TRIM55: variants seen among roughly 807,000 people sequenced by gnomAD.
The protein encoded by TRIM55 is tripartite motif-containing protein 55.
In TRIM55, 50 loss-of-function variants were observed where a neutral mutation model predicts 60.9. The ratio of observed to expected loss-of-function variants is 0.82; its 90% confidence interval spans 0.65 to 1.04. TRIM55 has a LOEUF of 1.04. Ranked by LOEUF, TRIM55 falls within the 50% of genes least tolerant of loss-of-function variation. TRIM55 has a pLI of 0.00. For missense variants in TRIM55, 681 were observed against 666.9 expected, an observed-to-expected ratio of 1.02 and a Z score of -0.23; for synonymous variants, 237 against 238.1, an observed-to-expected ratio of 1.00 and a Z score of 0.04.
At chr8:66,143,846 A>G (rs549126667) in intron 4 of TRIM55, among the ~76,000 whole-genome samples, 31 of 152,258 alleles carry the variant, frequency 2.0e-4, no homozygotes, top group Non-Finnish European at 2.6e-4. Context: ...TTTTATTCTA[A>G]TAGAGGAGTT....
chr8:66,129,345 G>A lies in TRIM55; in HGVS notation c.341+869G>A, dbSNP rs190285112. Among the ~76,000 whole-genome samples the A allele has an allele frequency of 9.9e-5, 15 of 152,270 alleles. No individual in the cohort carries two copies. In the East Asian group the frequency reaches 2.9e-3, roughly 29 times the overall value. On this transcript the variant is annotated intron_variant, in intron 2 of 9. Transcript: ENST00000315962. ...TCAGTCCAGTCCACAAAGCTTGATA[G>A]CAATATTGAGACCATCTAGAAATGG... is the stretch of plus-strand genomic sequence containing the variant.
In TRIM55 at chr8:66,154,030, T is replaced by G; in HGVS notation, c.1237-17T>G. ...TTTTTTTTTTCTTTACTTTTGAATT[T>G]ATCTGTCCTGATTAAGGGGGAGGTT... On this transcript the variant is annotated splice_polypyrimidine_tract_variant and intron_variant, in intron 8 of 9. Transcript: ENST00000315962. The G allele has an allele frequency of 1.3e-6, 2 of 1,585,230 alleles. No individual in the cohort carries two copies. The highest frequency in any genetic ancestry group is 1.7e-6 in the Non-Finnish European group (2 of 1,168,950).
At chr8:66,152,279 A>T (rs1810472759) in intron 7 of TRIM55, 98 bp from the exon 8 acceptor site, 6 of 1,456,674 alleles carry the variant, frequency 4.1e-6, no homozygotes, top group Admixed American at 2.6e-5. Context: ...AAAACTCCCC[A>T]GCCTTGACCT....
chr8:66,144,693 G>A (rs546043102), intron 4 of TRIM55, among the ~76,000 whole-genome samples: 23 of 152,282 alleles, frequency 1.5e-4, no homozygotes, highest in African/African-American at 5.5e-4. Flanking sequence ...GAAGAGGGGA[G>A]GTGTATGGCT....
At position 66,149,744 on chromosome 8, in the gene TRIM55, C is replaced by T. The variant is rs1235758970; in HGVS notation, c.703C>T (p.Arg235Ter). 2.4e-5 allele frequency: 39 copies of T among 1,613,942 alleles called. No individual in the cohort carries two copies. Among genetic ancestry groups the T allele is most frequent in the South Asian group, 3.3e-5 (3 of 91,090 alleles). ...GAATGAAATGACCCAAGTCATTACCCGAACCCAAGAGGAGAAACTGGAACA... is the reference window on the plus strand; with the variant it reads ...GAATGAAATGACCCAAGTCATTACCTGAACCCAAGAGGAGAAACTGGAACA... The part of the protein sequence containing the change: ...RKNEMTQVIT[R>*]TQEEKLEHVR... Residue 235 changes from arginine to a stop codon, truncating the protein, a stop_gained, in exon 5 of 10, where the codon CGA (arginine) becomes TGA (stop). Coordinates refer to ENST00000315962, the MANE Select transcript of TRIM55 (RefSeq NM_184085.2). LOFTEE classifies it high-confidence loss of function.
intron 9 of TRIM55, among the ~76,000 whole-genome samples, chr8:66,168,533 A>G (rs1811447836): frequency 6.6e-6 from 1 of 152,226 alleles, no homozygotes; most frequent in African/African-American, 2.4e-5. Flanking sequence ...TGCAAGATGG[A>G]TACTGGGTGG....
At chr8:66,170,866 A>G (rs1480314615) in intron 9 of TRIM55, among the ~76,000 whole-genome samples, 2 of 152,248 alleles carry the variant, frequency 1.3e-5, no homozygotes, top group African/African-American at 4.8e-5. Flanking sequence ...AAGCAACATT[A>G]TTCACAATAG....
chr8:66,149,805 T>G lies in TRIM55; in HGVS notation c.764T>G (p.Leu255Trp). The G allele has an allele frequency of 6.2e-7, 1 of 1,614,222 alleles. No individual in the cohort carries two copies. Among genetic ancestry groups the G allele is most frequent in the East Asian group, 2.2e-5 (1 of 44,874 alleles). The change falls in exon 5 of 10, where the codon TTG (leucine) becomes TGG (tryptophan). Residue 255 changes from leucine (L) to tryptophan (W), a missense_variant. Transcript: ENST00000315962. ...RALIKKYSDHLENVSKLVESG... is the reference protein window; with the variant it reads ...RALIKKYSDHWENVSKLVESG... ...CTGATCAAAAAGTATTCTGATCATT[T>G]GGAGAACGTCTCAAAGTTGGTTGAG...
upstream of TRIM55, among the ~76,000 whole-genome samples, chr8:66,124,768 A>G (rs1352333718): frequency 6.6e-6 from 1 of 152,200 alleles, no homozygotes; most frequent in African/African-American, 2.4e-5. Flanking sequence ...CAATTTGCAC[A>G]CTGGGAAATT....
At chr8:66,162,660 T>G (rs1811118231) in intron 9 of TRIM55, among the ~76,000 whole-genome samples, 2 of 152,130 alleles carry the variant, frequency 1.3e-5, no homozygotes, top group African/African-American at 2.4e-5. Flanking sequence ...AGACCTTTTT[T>G]TGTTGGCAAT....
In TRIM55 at chr8:66,154,053, G is replaced by C; in HGVS notation, c.1243G>C (p.Val415Leu). 1 of 1,612,880 alleles carries C rather than the reference G, an allele frequency of 6.2e-7. No homozygotes were observed. The highest frequency in any genetic ancestry group is 1.3e-5 in the African/African-American group (1 of 74,862). ...AADAPVTQGE[V>L]VPTGSEQTTE... ...TTTATCTGTCCTGATTAAGGGGGAG[G>C]TTGTACCCACTGGCTCTGAGCAGAC... The change falls in exon 9 of 10, where the codon GTT becomes CTT. Residue 415 changes from valine to leucine, a missense_variant. Val to Leu is a conservative substitution (Grantham distance 32). Coordinates refer to ENST00000315962, the MANE Select transcript of TRIM55 (RefSeq NM_184085.2).
chr8:66,114,190 G>A, the TRIM55 span, among the ~76,000 whole-genome samples: 1 of 151,568 alleles, frequency 6.6e-6, no homozygotes, highest in Non-Finnish European at 1.5e-5. Context: ...CCCAGCCGTG[G>A]GGGATTAGCT....
chr8:66,159,076 G>A lies in TRIM55; in HGVS notation c.1524+4742G>A, dbSNP rs577108494. On this transcript the variant is annotated intron_variant, in intron 9 of 9. Transcript: ENST00000315962. ...ACACTAAAATTTACCCATTTTAAGT[G>A]TACAGTTCAGTGAGTTTGGACAAAT... is the stretch of plus-strand genomic sequence containing the variant. Among the ~76,000 whole-genome samples, 9 of 152,348 alleles carry A rather than the reference G, an allele frequency of 5.9e-5. No homozygotes were observed. In the South Asian group the frequency reaches 1.9e-3, roughly 32 times the overall value.
At chr8:66,118,168 C>CA in the TRIM55 span, among the ~76,000 whole-genome samples, 2,090 of 39,778 alleles carry the variant, frequency 0.053, 391 homozygotes, top group East Asian at 0.14. Flanking sequence ...GACTCCGTCT[C>CA]AAAAAAAAAA....
rs564445794 is a variant in TRIM55, at chr8:66,132,704, T to A, written c.342-2286T>A. On this transcript the variant is annotated intron_variant, in intron 2 of 9. Coordinates refer to ENST00000315962, the MANE Select transcript of TRIM55 (RefSeq NM_184085.2). ...CATGTATTTATGTCATTCTTTTACA[T>A]GCCAAATCGGTCCCAAGTCAGTTAC... 2.0e-5 allele frequency among the ~76,000 whole-genome samples: 3 copies of A among 152,296 alleles called. No homozygotes were observed. In the South Asian group the frequency reaches 6.2e-4, roughly 32 times the overall value.
chr8:66,123,169 C>G (rs1808696746), upstream of TRIM55, among the ~76,000 whole-genome samples: 1 of 152,204 alleles, frequency 6.6e-6, no homozygotes, highest in Non-Finnish European at 1.5e-5. Context: ...TATCTTAACT[C>G]TTTTAACCAA....
rs1372931688 is a variant in TRIM55, at chr8:66,127,555, TTTGGCTC to T, written c.168+120_168+126del. The T allele has an allele frequency of 1.2e-5, 15 of 1,221,472 alleles. No homozygotes were observed. In the African/African-American group the frequency reaches 2.3e-4, roughly 18 times the overall value. The allele number at this position is 1,221,472 out of a possible 1,614,324, so 75.7% of individuals were successfully genotyped here. ...AAAACTTTATAAGGTTGCCGGGCGCTTTGGCTCACGCCTGTAGTCCCAGCACTTTGGG... is the reference window on the plus strand; with the variant it reads ...AAAACTTTATAAGGTTGCCGGGCGCTACGCCTGTAGTCCCAGCACTTTGGG... On this transcript the variant is annotated intron_variant, in intron 1 of 9. Transcript: ENST00000315962.
intron 9 of TRIM55, among the ~76,000 whole-genome samples, chr8:66,171,793 G>A (rs57390453): frequency 0.11 from 16,286 of 152,262 alleles, 1,629 homozygotes; most frequent in African/African-American, 0.26. Context: ...AAGAGTTTTA[G>A]ATCTTTAACT....
At chr8:66,131,180 T>C (rs1809134815) in intron 2 of TRIM55, among the ~76,000 whole-genome samples, 1 of 152,206 alleles carries the variant, frequency 6.6e-6, no homozygotes, top group Non-Finnish European at 1.5e-5. Flanking sequence ...ATTCTCACAA[T>C]AATCCGGTGA....
Sources: gnomAD v4.1 joint callset for allele counts (sites outside exome capture counted in the v4.1 genomes callset) on GRCh38, gnomAD v4.1.1 for gene constraint, MANE v1.5 for transcripts, NCBI Gene and HGNC (gene_info 2026-07-23, HGNC 2026-07-21) for gene names.